The following TASP1 variants were observed in gnomAD, a reference collection of about 807,000 sequenced individuals.
TASP1 encodes threonine aspartase 1.
In TASP1, 16 loss-of-function variants were observed where a neutral mutation model predicts 56.6. The observed-to-expected ratio is 0.28, with a 90% CI of 0.19 to 0.43. The LOEUF is 0.43. Ranked by LOEUF, TASP1 falls within the 20% of genes least tolerant of loss-of-function variation. The pLI, the probability that TASP1 is intolerant of heterozygous loss-of-function variation, is 1.00. For missense variants in TASP1, 393 were observed against 511.6 expected (o/e 0.77, Z 2.24); for synonymous variants, 179 against 184.2 (o/e 0.97, Z 0.23).
At chr20:13,568,915 T>C (rs932660196) in intron 7 of TASP1, among the ~76,000 whole-genome samples, 1 of 152,180 alleles carries the variant, frequency 6.6e-6, no homozygotes, top group Non-Finnish European at 1.5e-5. Context: ...TAACATGTAC[T>C]CATTTTAATT....
chr20:13,302,729 C>G, the TASP1 span, among the ~76,000 whole-genome samples: 7 of 152,170 alleles, frequency 4.6e-5, no homozygotes, highest in Admixed American at 3.3e-4. Flanking sequence ...TGCTCTTTTG[C>G]CTTCCCCTGG....
At chr20:13,198,855 T>C in the TASP1 span, among the ~76,000 whole-genome samples, 123 of 74,604 alleles carry the variant, frequency 1.6e-3, no homozygotes, top group African/African-American at 3.6e-3. Context: ...TCTTTCTTTC[T>C]TTCCTTCCTT....
intron 13 of TASP1, among the ~76,000 whole-genome samples, chr20:13,412,124 C>T (rs1344411347): frequency 6.6e-6 from 1 of 152,168 alleles, no homozygotes; most frequent in Non-Finnish European, 1.5e-5. Context: ...CTGCTCCAAG[C>T]TTTGGTGTGT....
the TASP1 span, among the ~76,000 whole-genome samples, chr20:13,117,880 G>T: frequency 1.3e-5 from 2 of 152,156 alleles, no homozygotes; most frequent in African/African-American, 4.8e-5. Context: ...GCCAGATAAG[G>T]CCCAGAATAT....
chr20:13,186,714 AG>A, the TASP1 span, among the ~76,000 whole-genome samples: 1 of 152,242 alleles, frequency 6.6e-6, no homozygotes, highest in African/African-American at 2.4e-5. Context: ...GGATACTAGA[AG>A]AATTTGAAAC....
chr20:13,363,254 G>A, the TASP1 span, among the ~76,000 whole-genome samples: 1 of 152,096 alleles, frequency 6.6e-6, no homozygotes, highest in African/African-American at 2.4e-5. Flanking sequence ...CTTTGGAGAA[G>A]AAAGAGAGGC....
At chr20:13,583,987 G>A (rs2047214107) in intron 5 of TASP1, among the ~76,000 whole-genome samples, 2 of 152,252 alleles carry the variant, frequency 1.3e-5, no homozygotes, top group South Asian at 2.1e-4. Flanking sequence ...GCTGAGGCAG[G>A]AGAATCACTT....
At chr20:13,244,768 G>A in the TASP1 span, among the ~76,000 whole-genome samples, 2 of 152,132 alleles carry the variant, frequency 1.3e-5, no homozygotes, top group Non-Finnish European at 2.9e-5. Context: ...CTATGCACAA[G>A]TCAAAAGTGA....
chr20:13,368,129 C>T, the TASP1 span, among the ~76,000 whole-genome samples: 38 of 152,134 alleles, frequency 2.5e-4, no homozygotes, highest in African/African-American at 8.7e-4. Flanking sequence ...ATATTTAAAT[C>T]ATCTTTAAGT....
At chr20:13,351,527 C>G in the TASP1 span, among the ~76,000 whole-genome samples, 1 of 152,162 alleles carries the variant, frequency 6.6e-6, no homozygotes, top group Non-Finnish European at 1.5e-5. Context: ...ATAAAAGAAG[C>G]CATTCTCAAA....
chr20:13,195,831 C>A, the TASP1 span, among the ~76,000 whole-genome samples: 1 of 152,142 alleles, frequency 6.6e-6, no homozygotes, highest in Admixed American at 6.6e-5. Context: ...TTTTTAAGTT[C>A]TTTCTGTGTG....
intron 4 of TASP1, among the ~76,000 whole-genome samples, chr20:13,593,953 G>T (rs2047633307): frequency 6.6e-6 from 1 of 152,218 alleles, no homozygotes. Context: ...CCCAGTAGGG[G>T]CTGACAGACA....
chr20:13,313,825 T>A, the TASP1 span, among the ~76,000 whole-genome samples: 7 of 152,182 alleles, frequency 4.6e-5, no homozygotes, highest in Non-Finnish European at 1.0e-4. Flanking sequence ...GCTGGAATTG[T>A]TAGGCCAGGA....
chr20:13,223,463 G>C, the TASP1 span, among the ~76,000 whole-genome samples: 1 of 152,078 alleles, frequency 6.6e-6, no homozygotes, highest in African/African-American at 2.4e-5. Context: ...CAAAAACTGA[G>C]GTACAGAGAG....
intron 11 of TASP1, among the ~76,000 whole-genome samples, chr20:13,467,153 T>C (rs370879548): frequency 2.0e-5 from 3 of 149,868 alleles, no homozygotes; most frequent in African/African-American, 7.4e-5. Context: ...AGTTCTTTCA[T>C]AGATATAGAG....
At chr20:13,609,776 G>GA (rs1299266463) in intron 4 of TASP1, among the ~76,000 whole-genome samples, 5 of 150,552 alleles carry the variant, frequency 3.3e-5, no homozygotes, top group Admixed American at 2.0e-4. Context: ...CAAAAGAACT[G>GA]AAAAAAGTTA....
chr20:13,284,152 C>T, the TASP1 span, among the ~76,000 whole-genome samples: 2 of 152,212 alleles, frequency 1.3e-5, no homozygotes, highest in African/African-American at 4.8e-5. Context: ...GACAGGGCAG[C>T]TGGTTAAAGC....
At chr20:13,263,025 G>A in the TASP1 span, among the ~76,000 whole-genome samples, 2 of 152,160 alleles carry the variant, frequency 1.3e-5, no homozygotes, top group Non-Finnish European at 2.9e-5. Context: ...AGCCCATGAT[G>A]TACCTGTGTC....
At chr20:13,113,896 T>C in the TASP1 span, among the ~76,000 whole-genome samples, 1 of 152,220 alleles carries the variant, frequency 6.6e-6, no homozygotes, top group African/African-American at 2.4e-5. Flanking sequence ...ACACTGACCA[T>C]GTGTCTACTC....
Sources: allele counts gnomAD v4.1 joint callset (sites outside exome capture counted in the v4.1 genomes callset), GRCh38; gene constraint gnomAD v4.1.1; transcripts MANE v1.5; gene names NCBI Gene and HGNC (gene_info 2026-07-23, HGNC 2026-07-21).